The following CEP57L1 variants were observed in gnomAD, a reference collection of about 807,000 sequenced individuals.
CEP57L1 encodes centrosomal protein 57 like 1, also known as centrosomal protein CEP57L1.
CEP57L1 carries 37 observed loss-of-function variants against 61.0 expected under a neutral mutation model. The ratio of observed to expected loss-of-function variants is 0.61; its 90% confidence interval spans 0.47 to 0.80. CEP57L1 has a LOEUF of 0.80. CEP57L1 is among the 30% of genes least tolerant of loss of function. The pLI, the probability that CEP57L1 is intolerant of heterozygous loss-of-function variation, is 0.00. For synonymous variants in CEP57L1, 137 were observed against 162.3 expected (o/e 0.84, Z 1.19); for missense variants, 422 against 524.7 (o/e 0.80, Z 1.91).
intron 7 of CEP57L1, chr6:109,158,247 G>C (rs139336528): frequency 6.0e-6 from 1 of 165,912 alleles, no homozygotes; most frequent in African/African-American, 2.4e-5. Flanking sequence ...CAACAGTTTG[G>C]GAGGCCAAGG....
In CEP57L1 at chr6:109,137,114, A is replaced by G. The variant is rs1770832280; in HGVS notation, c.-3-8105A>G. 2.0e-5 allele frequency among the ~76,000 whole-genome samples: 3 copies of G among 152,166 alleles called. No individual in the cohort carries two copies. The South Asian group carries it at 6.2e-4, about 32-fold the overall frequency. ...TTATTTTCATAAGTTGTATTCTAGA[A>G]GTATAGTAAAAACTCTGTTTTTAAT... On this transcript the variant is annotated intron_variant, in intron 1 of 10. Coordinates refer to ENST00000517392, the MANE Select transcript of CEP57L1 (RefSeq NM_001271852.3).
At chr6:109,100,041 G>A (rs1167582822) in intron 1 of CEP57L1, among the ~76,000 whole-genome samples, 3 of 152,164 alleles carry the variant, frequency 2.0e-5, no homozygotes, top group Admixed American at 1.3e-4. Flanking sequence ...CTATTGCACC[G>A]TAAACCTTGA....
Position 109,150,164 on chromosome 6 carries a change from A to C in CEP57L1, c.387A>C (p.Leu129=), listed in dbSNP as rs750763442. 6.2e-7 allele frequency: 1 copy of C among 1,610,366 alleles called. No individual in the cohort carries two copies. The highest frequency in any genetic ancestry group is 1.3e-5 in the African/African-American group (1 of 74,834). ...LSSAQSRCTL[L]EKQLEYTKRM... is the part of the protein sequence containing the mutation. ...CAGCCCAGTCTCGTTGTACTCTTCT[A>C]GAGAAGCAACTAGAATATACAAAGA... The change falls in exon 4 of 11, where the codon CTA becomes CTC. Residue 129 remains leucine (L), a synonymous_variant. Coordinates refer to ENST00000517392, the MANE Select transcript of CEP57L1 (RefSeq NM_001271852.3).
chr6:109,152,663 G>A (rs1772766236), intron 4 of CEP57L1, among the ~76,000 whole-genome samples: 1 of 150,174 alleles, frequency 6.7e-6, no homozygotes, highest in African/African-American at 2.5e-5. Flanking sequence ...GTGTGTGTGT[G>A]TGTGTGTGTG....
intron 1 of CEP57L1, among the ~76,000 whole-genome samples, chr6:109,133,326 T>C (rs1774410837): frequency 1.3e-5 from 2 of 152,158 alleles, no homozygotes. Flanking sequence ...ATAAGGAGCA[T>C]GCAGCCTAGA....
chr6:109,132,326 A>G (rs1312112241), intron 1 of CEP57L1, among the ~76,000 whole-genome samples: 1 of 152,178 alleles, frequency 6.6e-6, no homozygotes, highest in African/African-American at 2.4e-5. Flanking sequence ...TGAGACCCCC[A>G]TCTCTGAAAA....
At chr6:109,120,043 G>A (rs1772771104) in intron 1 of CEP57L1, among the ~76,000 whole-genome samples, 1 of 152,118 alleles carries the variant, frequency 6.6e-6, no homozygotes, top group African/African-American at 2.4e-5. Flanking sequence ...TGTGTTGAGT[G>A]CTTACTGTGC....
chr6:109,168,108 T>C lies in CEP57L1; in HGVS notation c.*5138T>C, dbSNP rs1774217970. Among the ~76,000 whole-genome samples the C allele has an allele frequency of 6.6e-6, 1 of 152,248 alleles. No homozygotes were observed. Among genetic ancestry groups the C allele is most frequent in the African/African-American group, 2.4e-5 (1 of 41,472 alleles). ...AAAGTGCTTAAGAAGTTGGCCTGTT[T>C]GTAATTTCTTCATTTTCTATCTATC... On this transcript the variant is annotated 3_prime_UTR_variant, in exon 11 of 11. Coordinates refer to ENST00000517392, the MANE Select transcript of CEP57L1 (RefSeq NM_001271852.3).
chr6:109,123,645 C>T (rs1773228938), intron 1 of CEP57L1, among the ~76,000 whole-genome samples: 1 of 152,180 alleles, frequency 6.6e-6, no homozygotes, highest in South Asian at 2.1e-4. Context: ...ACCTTGGTTA[C>T]AACTTTATTT....
At chr6:109,149,276 C>A (rs1284280505) in intron 3 of CEP57L1, among the ~76,000 whole-genome samples, 2 of 152,182 alleles carry the variant, frequency 1.3e-5, no homozygotes, top group African/African-American at 4.8e-5. Context: ...GTCTTTAATC[C>A]GTCTTGAATT....
At chr6:109,147,120 AT>A (rs1249773368) in intron 3 of CEP57L1, among the ~76,000 whole-genome samples, 183 bp downstream of exon 3, 4 of 152,148 alleles carry the variant, frequency 2.6e-5, no homozygotes, top group African/African-American at 9.6e-5. Flanking sequence ...ACTTACCTCT[AT>A]CATATCTTAC....
At chr6:109,158,906 C>A in intron 7 of CEP57L1, 119 bp from the exon 8 acceptor site, 1 of 904,964 alleles carries the variant, frequency 1.1e-6, no homozygotes, top group Non-Finnish European at 1.7e-6. Context: ...AAATTTCTGT[C>A]CATGTCTTTT....
At chr6:109,154,157 ATTTTGACTT>A (rs750771842) in intron 5 of CEP57L1, among the ~76,000 whole-genome samples, 29 of 152,194 alleles carry the variant, frequency 1.9e-4, no homozygotes, top group Non-Finnish European at 5.9e-5. Flanking sequence ...TGAAATTGTA[ATTTTGACTT>A]CTAATATGGC....
In CEP57L1 at chr6:109,173,934, TAAA is replaced by T. The variant is rs113721386; in HGVS notation, c.*10978_*10980del. 7.3e-6 allele frequency among the ~76,000 whole-genome samples: 1 copy of T among 136,970 alleles called. No homozygotes were observed. Among genetic ancestry groups the T allele is most frequent in the South Asian group, 2.3e-4 (1 of 4,322 alleles). 89.9% of individuals were successfully genotyped at this position (136,970 alleles called of 152,430 possible). On this transcript the variant is annotated 3_prime_UTR_variant, in exon 11 of 11. Transcript: ENST00000517392. ...CAACATGGTGAAACCCCGTCTCTAC[TAAA>T]AAAAAAAAAAAAATTAGCTGGGTGT...
Position 109,141,326 on chromosome 6 carries a change from C to A in CEP57L1, c.-3-3893C>A, listed in dbSNP as rs1771354919. On this transcript the variant is annotated intron_variant, in intron 1 of 10. Coordinates refer to ENST00000517392, the MANE Select transcript of CEP57L1 (RefSeq NM_001271852.3). Reference sequence around the variant, plus strand: ...CACCTCCCAGGTTCAAGTGATTCTTCTGCCTCAGCCTCCCAAGTAGCTAGG... The same window carrying A: ...CACCTCCCAGGTTCAAGTGATTCTTATGCCTCAGCCTCCCAAGTAGCTAGG... Among the ~76,000 whole-genome samples the A allele has an allele frequency of 2.0e-5, 3 of 152,094 alleles. No individual in the cohort carries two copies. In the South Asian group the frequency reaches 6.2e-4, roughly 31 times the overall value.
chr6:109,150,642 A>C (rs1772506364), intron 4 of CEP57L1, among the ~76,000 whole-genome samples: 3 of 150,716 alleles, frequency 2.0e-5, no homozygotes, highest in Admixed American at 2.0e-4. Context: ...AGCCTGGACG[A>C]CAGAGCAAGA....
Position 109,172,746 on chromosome 6 carries a change from A to G in CEP57L1, c.*9776A>G, listed in dbSNP as rs979910583. On this transcript the variant is annotated 3_prime_UTR_variant, in exon 11 of 11. Coordinates refer to ENST00000517392, the MANE Select transcript of CEP57L1 (RefSeq NM_001271852.3). Reference sequence around the variant, plus strand: ...ATTTAGTATCATTAGTTTGATGACTAGTTTTATTATGTGAGTGTGATAAAA... The same window carrying G: ...ATTTAGTATCATTAGTTTGATGACTGGTTTTATTATGTGAGTGTGATAAAA... Among the ~76,000 whole-genome samples, 3 of 152,208 alleles carry G rather than the reference A, an allele frequency of 2.0e-5. No homozygotes were observed. Among genetic ancestry groups the G allele is most frequent in the African/African-American group, 7.2e-5 (3 of 41,466 alleles).
At chr6:109,161,068 T>C (rs934618103) in intron 10 of CEP57L1, among the ~76,000 whole-genome samples, 2 of 152,142 alleles carry the variant, frequency 1.3e-5, no homozygotes, top group African/African-American at 4.8e-5. Flanking sequence ...GCCTTAATGA[T>C]ACCCCTTATG....
At position 109,098,315 on chromosome 6, in the gene CEP57L1, T is replaced by G. The variant is rs148134803; in HGVS notation, c.-4+2740T>G. Among the ~76,000 whole-genome samples, 405 of 152,200 alleles carry G rather than the reference T, an allele frequency of 2.7e-3. 2 individuals carry two copies. The highest frequency in any genetic ancestry group is 9.6e-3 in the African/African-American group (397 of 41,548). On this transcript the variant is annotated intron_variant, in intron 1 of 10. Coordinates refer to ENST00000517392, the MANE Select transcript of CEP57L1 (RefSeq NM_001271852.3). ...GGCATGCACCACCATACCTGGCTAA[T>G]TTTGTGTTTTTAGTAGAGACAGGGT... is the stretch of plus-strand genomic sequence containing the variant.
Sources: allele counts gnomAD v4.1 joint callset (sites outside exome capture counted in the v4.1 genomes callset), GRCh38; gene constraint gnomAD v4.1.1; transcripts MANE v1.5; gene names NCBI Gene and HGNC (gene_info 2026-07-23, HGNC 2026-07-21).